Variants in BTBD7 observed in about 807,000 individuals in gnomAD.
BTBD7 encodes the protein BTB domain containing 7, also known as BTB/POZ domain-containing protein 7.
Under a neutral mutation model 99.9 loss-of-function variants are expected in BTBD7, and 38 were observed. The observed-to-expected ratio is 0.38, with a 90% CI of 0.29 to 0.50. BTBD7 has a LOEUF of 0.50. Ranked by LOEUF, BTBD7 falls within the 20% of genes least tolerant of loss-of-function variation. The pLI is 0.93. For missense variants in BTBD7, 1,170 were observed against 1,394.6 expected (o/e 0.84, Z 2.57); for synonymous variants, 520 against 511.4 (o/e 1.02, Z -0.23).
chr14:93,327,241 G>C (rs796301823), intron 1 of BTBD7, among the ~76,000 whole-genome samples: 26 of 152,216 alleles, frequency 1.7e-4, no homozygotes, highest in African/African-American at 6.3e-4. Context: ...TACTTTACTG[G>C]GTTAAACCTT....
At chr14:93,322,216 G>A (rs1215562956) in intron 1 of BTBD7, among the ~76,000 whole-genome samples, 4 of 152,060 alleles carry the variant, frequency 2.6e-5, no homozygotes, top group African/African-American at 4.8e-5. Flanking sequence ...GGGCTCAAGC[G>A]ATCCTTCCAC....
chr14:93,324,281 T>G (rs912374656), intron 1 of BTBD7, among the ~76,000 whole-genome samples: 5 of 152,030 alleles, frequency 3.3e-5, no homozygotes, highest in Non-Finnish European at 7.4e-5. Context: ...TACAAATAAT[T>G]TTTTTAAAGT....
At chr14:93,291,015 TA>T (rs2052848283) in intron 3 of BTBD7, among the ~76,000 whole-genome samples, 3 of 125,322 alleles carry the variant, frequency 2.4e-5, no homozygotes, top group African/African-American at 9.5e-5. Flanking sequence ...TTTTTTTTGG[TA>T]GAGACGAGGT....
Position 93,246,015 on chromosome 14 carries a change from T to C in BTBD7, c.2393A>G (p.Asn798Ser), listed in dbSNP as rs2052302052. 18 of 1,613,730 alleles carry C rather than the reference T, an allele frequency of 1.1e-5. No homozygotes were observed. Among genetic ancestry groups the C allele is most frequent in the Non-Finnish European group, 1.5e-5 (18 of 1,179,982 alleles). ...HPSRSFSYPC[N>S]HSLFHSRTAP... ...TGTTCTGGAGTGGAACAGCGAATGA[T>C]TACAGGGATAAGAAAATGAACGTGA... is the stretch of plus-strand genomic sequence containing the variant. Residue 798 changes from asparagine to serine, a missense_variant, in exon 10 of 11, where the codon AAT becomes AGT. Transcript: ENST00000334746.
intron 9 of BTBD7, 148 bp downstream of exon 9, chr14:93,248,328 G>T: frequency 1.3e-6 from 1 of 765,378 alleles, no homozygotes; most frequent in Non-Finnish European, 2.1e-6. Flanking sequence ...CACCAGGAGG[G>T]ACTTGCAGGT....
rs190221756 is a variant in BTBD7, at chr14:93,262,877, G to A, written c.1371+908C>T. On this transcript the variant is annotated intron_variant, in intron 4 of 10. Coordinates refer to ENST00000334746, the MANE Select transcript of BTBD7 (RefSeq NM_001002860.4). ...ACAACTTCTAACACAAACATAAAGC[G>A]TCCAGTTTTGATCAGGACAATGAGA... is the stretch of plus-strand genomic sequence containing the variant. 1.3e-3 allele frequency among the ~76,000 whole-genome samples: 194 copies of A among 151,294 alleles called. 1 individual carries two copies. Among genetic ancestry groups the A allele is most frequent in the Admixed American group, 3.9e-3 (59 of 15,184 alleles).
chr14:93,310,481 T>C (rs940970843), intron 1 of BTBD7, among the ~76,000 whole-genome samples: 6 of 152,212 alleles, frequency 3.9e-5, no homozygotes, highest in Non-Finnish European at 7.3e-5. Flanking sequence ...TTTTGCCAAA[T>C]GTATTACCAT....
rs368727539 is a variant in BTBD7 at position 93,244,508 on chromosome 14, G to A, written c.2583+1317C>T. Among the ~76,000 whole-genome samples, 35 of 152,218 alleles carry A rather than the reference G, an allele frequency of 2.3e-4. No homozygotes were observed. The East Asian group carries it at 6.4e-3, about 28-fold the overall frequency. ...TACTAAAAATACAAAAATTAGCCGG[G>A]CGTGGTGGTGCGTGCCTGTAATCCC... On this transcript the variant is annotated intron_variant, in intron 10 of 10. Coordinates refer to ENST00000334746, the MANE Select transcript of BTBD7 (RefSeq NM_001002860.4).
chr14:93,279,529 C>T (rs1366196352), intron 3 of BTBD7, among the ~76,000 whole-genome samples: 4 of 152,176 alleles, frequency 2.6e-5, no homozygotes, highest in African/African-American at 9.7e-5. Flanking sequence ...CCTATTGGTA[C>T]TTAACACTGG....
chr14:93,272,613 A>T (rs1566844133), intron 3 of BTBD7, among the ~76,000 whole-genome samples: 1 of 152,212 alleles, frequency 6.6e-6, no homozygotes, highest in Non-Finnish European at 1.5e-5. Flanking sequence ...ATGCATACAG[A>T]GCACACTATT....
chr14:93,309,379 C>T (rs1043472771), intron 1 of BTBD7, among the ~76,000 whole-genome samples: 12 of 143,506 alleles, frequency 8.4e-5, no homozygotes, highest in African/African-American at 1.3e-4. Flanking sequence ...GTGGCCTAGG[C>T]GACAAGGGCA....
Position 93,257,220 on chromosome 14 carries a change from A to G in BTBD7, c.1583T>C (p.Ile528Thr). Residue 528 changes from isoleucine to threonine, a missense_variant, in exon 6 of 11, where the codon ATA (isoleucine) becomes ACA (threonine). Physicochemically the swap from Ile to Thr is moderately conservative, Grantham distance 89 (BLOSUM62 -1). Coordinates refer to ENST00000334746, the MANE Select transcript of BTBD7 (RefSeq NM_001002860.4). ...PFVRIEHILP[I>T]NSEVLSDAMK... The stretch of plus-strand genomic sequence containing the variant: ...TGCATCACTTAAGACTTCACTGTTT[A>G]TAGGTAAGATGTGTTCAATTCGCAC... 1 of 1,614,034 alleles carries G rather than the reference A, an allele frequency of 6.2e-7. No individual in the cohort carries two copies. Among genetic ancestry groups the G allele is most frequent in the Non-Finnish European group, 8.5e-7 (1 of 1,179,950 alleles).
chr14:93,314,502 T>G (rs2053176556), intron 1 of BTBD7, among the ~76,000 whole-genome samples: 1 of 152,190 alleles, frequency 6.6e-6, no homozygotes, highest in Admixed American at 6.5e-5. Flanking sequence ...AAATTTTACT[T>G]TACCTTAAAA....
chr14:93,299,390 C>T (rs1489260882), intron 1 of BTBD7, among the ~76,000 whole-genome samples: 2 of 152,204 alleles, frequency 1.3e-5, no homozygotes, highest in Non-Finnish European at 2.9e-5. Flanking sequence ...ATCTCTCCAG[C>T]GATGTGTTCT....
At chr14:93,327,497 A>G (rs1056677280) in intron 1 of BTBD7, among the ~76,000 whole-genome samples, 13 of 152,216 alleles carry the variant, frequency 8.5e-5, no homozygotes, top group Non-Finnish European at 1.8e-4. Context: ...ATAATATATT[A>G]TTCTGTCAAT....
rs141130270 is a variant in BTBD7, at chr14:93,242,600, C to G, written c.3072G>C (p.Pro1024=). The G allele has an allele frequency of 1.4e-4, 222 of 1,614,142 alleles. 2 individuals are homozygous for G. The Middle Eastern group carries it at 3.8e-3, about 28-fold the overall frequency. ...DGHLHRQKNE[P]IHLDVVEQPP... ...GTTGCTCAACGACATCCAGGTGTATCGGCTCATTCTTTTGTCTGTGTAGAT... is the reference window on the plus strand; with the variant it reads ...GTTGCTCAACGACATCCAGGTGTATGGGCTCATTCTTTTGTCTGTGTAGAT... Residue 1024 remains proline, a synonymous_variant, in exon 11 of 11, where the codon CCG becomes CCC. Coordinates refer to ENST00000334746, the MANE Select transcript of BTBD7 (RefSeq NM_001002860.4).
At chr14:93,313,564 T>A (rs2053162816) in intron 1 of BTBD7, among the ~76,000 whole-genome samples, 1 of 152,098 alleles carries the variant, frequency 6.6e-6, no homozygotes, top group Non-Finnish European at 1.5e-5. Flanking sequence ...ATCGAATAAT[T>A]TTTCAAACTA....
At chr14:93,268,072 T>G (rs1177728396) in intron 3 of BTBD7, among the ~76,000 whole-genome samples, 1 of 152,182 alleles carries the variant, frequency 6.6e-6, no homozygotes, top group Non-Finnish European at 1.5e-5. Flanking sequence ...CTGCGCAGAC[T>G]CTACACCCGT....
At position 93,260,926 on chromosome 14, in the gene BTBD7, C is replaced by T. The variant is rs1393413559; in HGVS notation, c.1447+676G>A. On this transcript the variant is annotated intron_variant, in intron 5 of 10. Coordinates refer to ENST00000334746, the MANE Select transcript of BTBD7 (RefSeq NM_001002860.4). ...ACTCTTTTTTTTTTTGAGTCTTGCT[C>T]TTTCACCCATGTGGAGTGCAATAGT... Among the ~76,000 whole-genome samples the T allele has an allele frequency of 2.3e-4, 35 of 151,352 alleles. 1 individual carries two copies. Among genetic ancestry groups the T allele is most frequent in the Admixed American group, 2.3e-3 (35 of 15,206 alleles).
Sources: gnomAD v4.1 joint callset for allele counts (sites outside exome capture counted in the v4.1 genomes callset) on GRCh38, gnomAD v4.1.1 for gene constraint, MANE v1.5 for transcripts, NCBI Gene and HGNC (gene_info 2026-07-23, HGNC 2026-07-21) for gene names.